The following BCAR3 variants were observed in gnomAD, a reference collection of about 807,000 sequenced individuals.
BCAR3 encodes BCAR3 adaptor protein, NSP family member, also known as breast cancer anti-estrogen resistance protein 3.
Under a neutral mutation model 80.1 loss-of-function variants are expected in BCAR3, and 37 were observed. The ratio of observed to expected loss-of-function variants is 0.46; its 90% CI spans 0.36 to 0.61. BCAR3 has a LOEUF of 0.61. Among genes scored for constraint, BCAR3 ranks in the 20% least tolerant of loss-of-function variants. BCAR3 has a pLI of 0.00. For missense variants in BCAR3, 978 were observed against 1,068.2 expected, an observed-to-expected ratio of 0.92 and a Z score of 1.18; for synonymous variants, 389 against 418.9, an observed-to-expected ratio of 0.93 and a Z score of 0.87.
chr1:93,612,022 G>A (rs963429153), intron 3 of BCAR3, among the ~76,000 whole-genome samples: 1 of 152,290 alleles, frequency 6.6e-6, no homozygotes. Context: ...AACTAATTAT[G>A]AGCAGCAAGA....
chr1:93,679,546 G>A (rs1648655812), intron 1 of BCAR3, among the ~76,000 whole-genome samples: 1 of 152,160 alleles, frequency 6.6e-6, no homozygotes, highest in Non-Finnish European at 1.5e-5. Context: ...CTACTGTGCA[G>A]GAAAACAAAC....
At chr1:93,692,275 A>G (rs142261858) in intron 3 of BCAR3, among the ~76,000 whole-genome samples, 95 of 152,238 alleles carry the variant, frequency 6.2e-4, no homozygotes, top group Middle Eastern at 3.4e-3. Flanking sequence ...CAGTGCACAC[A>G]CAGCTGCTGT....
intron 2 of BCAR3, among the ~76,000 whole-genome samples, chr1:93,744,793 A>G (rs1651297541): frequency 6.6e-6 from 1 of 152,192 alleles, no homozygotes; most frequent in Non-Finnish European, 1.5e-5. Context: ...GTCAAACGCA[A>G]TGGGTTTCAT....
At chr1:93,615,012 T>C (rs1340252846) in intron 3 of BCAR3, among the ~76,000 whole-genome samples, 4 of 150,578 alleles carry the variant, frequency 2.7e-5, no homozygotes, top group Non-Finnish European at 6.0e-5. Flanking sequence ...TTCTTTTTTT[T>C]TTTTTTTTTT....
intron 2 of BCAR3, among the ~76,000 whole-genome samples, chr1:93,830,738 G>A (rs573743685): frequency 5.9e-5 from 9 of 152,252 alleles, no homozygotes; most frequent in Non-Finnish European, 1.2e-4. Flanking sequence ...TCACACGGAC[G>A]TGCGTCACAT....
intron 2 of BCAR3, among the ~76,000 whole-genome samples, chr1:93,833,481 A>G (rs12410692): frequency 0.13 from 19,798 of 152,186 alleles, 1,981 homozygotes; most frequent in African/African-American, 0.27. Context: ...CAAGCCTGGG[A>G]GCGCTGCAGG....
chr1:93,712,241 G>A (rs1005832840), intron 2 of BCAR3, among the ~76,000 whole-genome samples: 6 of 152,220 alleles, frequency 3.9e-5, no homozygotes, highest in Admixed American at 2.6e-4. Flanking sequence ...CCCCGACCCT[G>A]GTTCACCCAG....
At chr1:93,653,518 C>T (rs1017121329) in intron 2 of BCAR3, among the ~76,000 whole-genome samples, 3 of 152,234 alleles carry the variant, frequency 2.0e-5, no homozygotes, top group Admixed American at 1.3e-4. Flanking sequence ...CAGTCATCTC[C>T]CATAGTTCTT....
At chr1:93,800,731 T>C (rs1039514270) in intron 2 of BCAR3, among the ~76,000 whole-genome samples, 1 of 152,212 alleles carries the variant, frequency 6.6e-6, no homozygotes, top group Non-Finnish European at 1.5e-5. Context: ...TTTTAAAATA[T>C]TTTTCTTCTT....
intron 2 of BCAR3, among the ~76,000 whole-genome samples, chr1:93,829,636 C>A (rs963046379): frequency 6.6e-6 from 1 of 152,112 alleles, no homozygotes; most frequent in South Asian, 2.1e-4. Context: ...CAGGCACGAG[C>A]CACCACGCCT....
chr1:93,848,141 G>A (rs72967387), upstream of BCAR3: 15,081 of 152,816 alleles, frequency 0.099, 1,565 homozygotes, highest in African/African-American at 0.26. Flanking sequence ...GCGGGAGCCC[G>A]TCAAAAATGG....
chr1:93,819,872 T>C (rs1216810420), intron 2 of BCAR3, among the ~76,000 whole-genome samples: 1 of 152,188 alleles, frequency 6.6e-6, no homozygotes, highest in Non-Finnish European at 1.5e-5. Flanking sequence ...ACCCAGGTAA[T>C]GGGCATCATA....
rs757678302 is a variant in BCAR3, at chr1:93,836,729, G to A, written c.-63+8838C>T. The stretch of plus-strand genomic sequence containing the variant: ...CATGTATACATCCAGATGGCCTGAA[G>A]TAACTGAAGAATCACAAAAGAAGTG... On this transcript the variant is annotated intron_variant, in intron 2 of 13. Transcript: ENST00000370244. 3.3e-5 allele frequency among the ~76,000 whole-genome samples: 5 copies of A among 152,256 alleles called. 1 individual carries two copies. The South Asian group carries it at 1.0e-3, about 32-fold the overall frequency.
At chr1:93,565,897 A>T (rs1672929023) in intron 11 of BCAR3, among the ~76,000 whole-genome samples, 1 of 152,210 alleles carries the variant, frequency 6.6e-6, no homozygotes, top group African/African-American at 2.4e-5. Flanking sequence ...TGAAGAATTT[A>T]AAAAATTATA....
At chr1:93,836,391 T>C (rs1227264799) in intron 2 of BCAR3, among the ~76,000 whole-genome samples, 1 of 151,464 alleles carries the variant, frequency 6.6e-6, no homozygotes, top group Non-Finnish European at 1.5e-5. Flanking sequence ...TATCCTTCTC[T>C]TATTTGGACC....
chr1:93,717,102 A>G (rs1179129011), intron 2 of BCAR3, among the ~76,000 whole-genome samples: 1 of 152,148 alleles, frequency 6.6e-6, no homozygotes, highest in Non-Finnish European at 1.5e-5. Context: ...ATCTACTTAT[A>G]CTCTTAGATC....
At chr1:93,668,406 T>C (rs1648026739) in intron 2 of BCAR3, among the ~76,000 whole-genome samples, 1 of 152,192 alleles carries the variant, frequency 6.6e-6, no homozygotes, top group Admixed American at 6.5e-5. Context: ...CAGCGCAAGA[T>C]GCAGGGGCTG....
intron 3 of BCAR3, among the ~76,000 whole-genome samples, chr1:93,617,886 G>C (rs1465933084): frequency 6.6e-6 from 1 of 152,160 alleles, no homozygotes; most frequent in Non-Finnish European, 1.5e-5. Flanking sequence ...GGAAGCCCTA[G>C]GCAGATAAAG....
chr1:93,604,229 G>C (rs1415074072), intron 3 of BCAR3, among the ~76,000 whole-genome samples: 1 of 152,148 alleles, frequency 6.6e-6, no homozygotes, highest in South Asian at 2.1e-4. Context: ...TTTCACAGAT[G>C]AGTGAGGATA....
Sources: allele counts gnomAD v4.1 joint callset (sites outside exome capture counted in the v4.1 genomes callset), GRCh38; gene constraint gnomAD v4.1.1; transcripts MANE v1.5; gene names NCBI Gene and HGNC (gene_info 2026-07-23, HGNC 2026-07-21).